Variants in SUCLG2 observed in about 807,000 individuals in gnomAD.
SUCLG2 encodes the protein succinate--CoA ligase [GDP-forming] subunit beta, mitochondrial.
Under a neutral mutation model 47.9 loss-of-function variants are expected in SUCLG2, and 42 were observed. The ratio of observed to expected loss-of-function variants is 0.88; its 90% CI spans 0.69 to 1.14. SUCLG2 has a LOEUF of 1.14. SUCLG2 is among the 50% of genes most tolerant of loss of function. The probability of loss-of-function intolerance (pLI) is 0.00; values close to 1 mark genes in which losing one functional copy is unlikely to be tolerated. For synonymous variants in SUCLG2, 195 were observed against 197.3 expected (o/e 0.99, Z 0.10); for missense variants, 571 against 525.9 (o/e 1.09, Z -0.84).
At chr3:67,466,342 C>T (rs1289053629) in intron 9 of SUCLG2, among the ~76,000 whole-genome samples, 1 of 152,098 alleles carries the variant, frequency 6.6e-6, no homozygotes, top group Admixed American at 6.5e-5. Context: ...GAGAGTGAGA[C>T]TTTGTCTCAA....
intron 2 of SUCLG2, among the ~76,000 whole-genome samples, chr3:67,550,027 T>C (rs1015552367): frequency 2.6e-5 from 4 of 152,206 alleles, no homozygotes; most frequent in Non-Finnish European, 5.9e-5. Context: ...CTTCATTTCA[T>C]GGGAGGAGTG....
intron 2 of SUCLG2, among the ~76,000 whole-genome samples, chr3:67,602,225 G>A (rs1708436017): frequency 6.6e-6 from 1 of 152,054 alleles, no homozygotes; most frequent in Admixed American, 6.6e-5. Context: ...ACATGGTAAA[G>A]GCCCAAAGCT....
chr3:67,594,448 T>C (rs1708248103), intron 2 of SUCLG2, among the ~76,000 whole-genome samples: 2 of 152,232 alleles, frequency 1.3e-5, no homozygotes, highest in African/African-American at 2.4e-5. Context: ...TCCTGTCACC[T>C]GTGCTTGAAA....
intron 10 of SUCLG2, among the ~76,000 whole-genome samples, chr3:67,383,091 ATTTC>A (rs1179802934): frequency 1.3e-5 from 2 of 152,116 alleles, no homozygotes; most frequent in Admixed American, 6.5e-5. Context: ...AGCAGCTCTT[ATTTC>A]TTTGAGATGA....
In SUCLG2 at chr3:67,627,149, G is replaced by T. The variant is rs570858143; in HGVS notation, c.85-17553C>A. Reference sequence around the variant, plus strand: ...AATACAGTTTTATTTTCTTCACTTAGAGGTTCTCGATATATGCTTTATTTG... The same window carrying T: ...AATACAGTTTTATTTTCTTCACTTATAGGTTCTCGATATATGCTTTATTTG... On this transcript the variant is annotated intron_variant, in intron 1 of 10. Transcript: ENST00000307227. 5.3e-5 allele frequency among the ~76,000 whole-genome samples: 8 copies of T among 152,004 alleles called. No homozygotes were observed. The South Asian group carries it at 1.0e-3, about 20-fold the overall frequency.
chr3:67,508,917 A>G lies in SUCLG2; in HGVS notation c.661-14T>C, dbSNP rs768030411. 5.7e-6 allele frequency: 9 copies of G among 1,572,396 alleles called. No homozygotes were observed. In the Admixed American group the frequency reaches 1.7e-4, roughly 29 times the overall value. On this transcript the variant is annotated splice_polypyrimidine_tract_variant and intron_variant, in intron 6 of 10. Coordinates refer to ENST00000307227, the MANE Select transcript of SUCLG2 (RefSeq NM_003848.4). ...TTGATCTGCAGCCTAAATGTGATCA[A>G]GTGAAATAGAATTACACCAAAGCAG...
In SUCLG2 at chr3:67,472,571, C is replaced by G. The variant is rs558636124; in HGVS notation, c.1062+23227G>C. The stretch of plus-strand genomic sequence containing the variant: ...TTAATTATATGCAGACCCTCTGAAG[C>G]CATCTGTTAATGTCTAAATATCTAT... On this transcript the variant is annotated intron_variant, in intron 9 of 10. Coordinates refer to ENST00000307227, the MANE Select transcript of SUCLG2 (RefSeq NM_003848.4). Among the ~76,000 whole-genome samples, 3 of 152,208 alleles carry G rather than the reference C, an allele frequency of 2.0e-5. No individual in the cohort carries two copies. In the South Asian group the frequency reaches 6.2e-4, roughly 32 times the overall value.
intron 9 of SUCLG2, among the ~76,000 whole-genome samples, chr3:67,479,827 G>C (rs1251928799): frequency 6.6e-6 from 1 of 152,118 alleles, no homozygotes; most frequent in Non-Finnish European, 1.5e-5. Flanking sequence ...TCTACTTTTG[G>C]AGAGAAGGAA....
intron 2 of SUCLG2, among the ~76,000 whole-genome samples, chr3:67,551,763 A>G (rs1707020745): frequency 6.6e-6 from 1 of 152,192 alleles, no homozygotes; most frequent in African/African-American, 2.4e-5. Context: ...TAAGGAGACC[A>G]CATACTCACC....
At chr3:67,652,509 G>A (rs1032602945) in intron 1 of SUCLG2, among the ~76,000 whole-genome samples, 1 of 152,148 alleles carries the variant, frequency 6.6e-6, no homozygotes, top group African/African-American at 2.4e-5. Context: ...ACATGAAACA[G>A]ATCATAGGAA....
intron 9 of SUCLG2, among the ~76,000 whole-genome samples, chr3:67,488,176 CTTT>C (rs1705109995): frequency 6.6e-6 from 1 of 151,684 alleles, no homozygotes; most frequent in African/African-American, 2.4e-5. Flanking sequence ...ATAATTTTCT[CTTT>C]TGTTTGTCCT....
chr3:67,451,647 CCTTT>C (rs1006284630), intron 9 of SUCLG2, among the ~76,000 whole-genome samples: 46 of 152,018 alleles, frequency 3.0e-4, no homozygotes, highest in African/African-American at 1.1e-3. Flanking sequence ...ATTTTCATCC[CCTTT>C]CTTATACTTT....
chr3:67,408,124 C>T (rs1360080472), intron 9 of SUCLG2, among the ~76,000 whole-genome samples: 1 of 152,140 alleles, frequency 6.6e-6, no homozygotes, highest in Non-Finnish European at 1.5e-5. Context: ...CCAGATTTGC[C>T]TTCTGCTGAA....
chr3:67,421,614 G>A (rs773026691), intron 9 of SUCLG2, among the ~76,000 whole-genome samples: 6 of 152,186 alleles, frequency 3.9e-5, no homozygotes, highest in African/African-American at 1.4e-4. Context: ...ACTAGCACCA[G>A]ACTGTTGCTT....
At chr3:67,435,676 G>T (rs919876718) in intron 9 of SUCLG2, among the ~76,000 whole-genome samples, 8 of 152,144 alleles carry the variant, frequency 5.3e-5, no homozygotes, top group African/African-American at 1.4e-4. Flanking sequence ...TGAAAGTAAA[G>T]AAAATATTTT....
At chr3:67,625,711 G>C (rs1015470257) in intron 1 of SUCLG2, among the ~76,000 whole-genome samples, 3 of 152,160 alleles carry the variant, frequency 2.0e-5, no homozygotes, top group Admixed American at 6.5e-5. Context: ...CCGGGAAAAT[G>C]AACTGAGGCC....
intron 9 of SUCLG2, among the ~76,000 whole-genome samples, chr3:67,427,656 A>G (rs1227014742): frequency 6.6e-6 from 1 of 152,202 alleles, no homozygotes; most frequent in South Asian, 2.1e-4. Context: ...GAGCCGAAGC[A>G]GGGCAGGGCA....
At chr3:67,625,092 T>C (rs1700803207) in intron 1 of SUCLG2, among the ~76,000 whole-genome samples, 1 of 152,148 alleles carries the variant, frequency 6.6e-6, no homozygotes, top group Admixed American at 6.5e-5. Context: ...TAGGAACCCA[T>C]AGTGAAATGC....
chr3:67,427,651 G>C (rs760907348), intron 9 of SUCLG2, among the ~76,000 whole-genome samples: 1 of 152,148 alleles, frequency 6.6e-6, no homozygotes, highest in Non-Finnish European at 1.5e-5. Context: ...AGCACGAGCC[G>C]AAGCAGGGCA....
Sources: gnomAD v4.1 joint callset for allele counts (sites outside exome capture counted in the v4.1 genomes callset) on GRCh38, gnomAD v4.1.1 for gene constraint, MANE v1.5 for transcripts, NCBI Gene and HGNC (gene_info 2026-07-23, HGNC 2026-07-21) for gene names.